TUBGCP3: variants seen among roughly 807,000 people sequenced by gnomAD.
The protein encoded by TUBGCP3 is tubulin gamma complex component 3.
Under a neutral mutation model 123.1 loss-of-function variants are expected in TUBGCP3, and 50 were observed. That is an observed-to-expected ratio of 0.41 (90% CI 0.32 to 0.51). The LOEUF is 0.51. Among genes scored for constraint, TUBGCP3 ranks in the 20% least tolerant of loss-of-function variants. The pLI is 0.36. For synonymous variants in TUBGCP3, 405 were observed against 413.9 expected (o/e 0.98, Z 0.26); for missense variants, 882 against 1,127.0 (o/e 0.78, Z 3.11).
Position 112,519,084 on chromosome 13 carries a change from T to C in TUBGCP3, c.1882-41A>G. ...AACACATAATTGCAAGACCTTAAGC[T>C]TCTTGCTGAAGAACTTGTTAACGCA... On this transcript the variant is annotated intron_variant, in intron 15 of 21. Coordinates refer to ENST00000261965, the MANE Select transcript of TUBGCP3 (RefSeq NM_006322.6). This position sits in a 1 kb window ranked among gnomAD's most constrained non-coding sequence, Gnocchi z 6.2. 7.9e-6 allele frequency: 12 copies of C among 1,513,986 alleles called. No individual in the cohort carries two copies. The highest frequency in any genetic ancestry group is 6.9e-5 in the African/African-American group (5 of 72,982). 93.8% of individuals were successfully genotyped at this position (1,513,986 alleles called of 1,614,324 possible).
At chr13:112,547,990 T>A in intron 9 of TUBGCP3, 118 bp downstream of exon 9, 1 of 905,988 alleles carries the variant, frequency 1.1e-6, no homozygotes, top group Non-Finnish European at 1.6e-6. Context: ...AATAATATTA[T>A]GAAAAATATT....
chr13:112,511,859 T>C lies in TUBGCP3; in HGVS notation c.2086+4581A>G, dbSNP rs1048771942. ...CTTCTACTTGAAAGCTTTCTAATTA[T>C]AAGGGACCTGCTGGTTCAGATGTGG... is the stretch of plus-strand genomic sequence containing the variant. On this transcript the variant is annotated intron_variant, in intron 17 of 21. Transcript: ENST00000261965. The surrounding 1 kb of genome is among the most constrained non-coding windows in gnomAD (Gnocchi z 4.1). 1.3e-5 allele frequency among the ~76,000 whole-genome samples: 2 copies of C among 152,080 alleles called. No individual in the cohort carries two copies. Among genetic ancestry groups the C allele is most frequent in the East Asian group, 3.9e-4 (2 of 5,186 alleles).
intron 20 of TUBGCP3, among the ~76,000 whole-genome samples, chr13:112,493,901 G>A (rs1408784620): frequency 6.6e-6 from 1 of 151,244 alleles, no homozygotes; most frequent in Non-Finnish European, 1.5e-5. Flanking sequence ...ATGGGGCCTG[G>A]TGTCCCTGAG....
intron 14 of TUBGCP3, among the ~76,000 whole-genome samples, chr13:112,521,440 G>A (rs138356000): frequency 6.6e-6 from 1 of 152,230 alleles, no homozygotes; most frequent in East Asian, 1.9e-4. Flanking sequence ...CCCCACAAAC[G>A]CAGCATCACC....
At chr13:112,536,415 C>T (rs1057047266) in intron 11 of TUBGCP3, among the ~76,000 whole-genome samples, 7 of 152,180 alleles carry the variant, frequency 4.6e-5, no homozygotes, top group African/African-American at 7.2e-5. Context: ...TCAAATCTTC[C>T]ATCCATAAGC....
intron 17 of TUBGCP3, among the ~76,000 whole-genome samples, chr13:112,513,699 T>G (rs187705084): frequency 7.9e-5 from 12 of 152,320 alleles, no homozygotes; most frequent in African/African-American, 2.6e-4. Flanking sequence ...CTCATGAAGC[T>G]GCTTGGCCAT....
intron 1 of TUBGCP3, among the ~76,000 whole-genome samples, chr13:112,587,593 G>A (rs973058549): frequency 6.6e-6 from 1 of 152,212 alleles, no homozygotes; most frequent in Non-Finnish European, 1.5e-5. Flanking sequence ...CGGAGTGAGC[G>A]GTGACTCAGC....
chr13:112,506,766 AC>A (rs1566539238), intron 17 of TUBGCP3, among the ~76,000 whole-genome samples: 1 of 152,196 alleles, frequency 6.6e-6, no homozygotes, highest in African/African-American at 2.4e-5. Context: ...AATACTCAAA[AC>A]CCCTCAAACT....
At chr13:112,507,367 G>A (rs1881374116) in intron 17 of TUBGCP3, among the ~76,000 whole-genome samples, 1 of 152,150 alleles carries the variant, frequency 6.6e-6, no homozygotes, top group Admixed American at 6.5e-5. Context: ...CAACTACCCA[G>A]GTTATACTTA....
chr13:112,524,100 A>C lies in TUBGCP3; in HGVS notation c.1556-1591T>G, dbSNP rs1335842238. ...GCAGGGGACCAATCCCACGACCCCC[A>C]CAGACACCAAAATTCCCTGATGCTC... is the stretch of plus-strand genomic sequence containing the variant. On this transcript the variant is annotated intron_variant, in intron 13 of 21. Coordinates refer to ENST00000261965, the MANE Select transcript of TUBGCP3 (RefSeq NM_006322.6). The surrounding 1 kb of genome is among the most constrained non-coding windows in gnomAD (Gnocchi z 4.4). 6.6e-6 allele frequency among the ~76,000 whole-genome samples: 1 copy of C among 152,142 alleles called. No homozygotes were observed. The highest frequency in any genetic ancestry group is 2.1e-4 in the South Asian group (1 of 4,816).
chr13:112,572,228 T>C (rs1881458189), intron 1 of TUBGCP3, among the ~76,000 whole-genome samples: 1 of 152,236 alleles, frequency 6.6e-6, no homozygotes, highest in African/African-American at 2.4e-5. Context: ...GAGAGGCATG[T>C]GACTCTTCAT....
At position 112,545,479 on chromosome 13, in the gene TUBGCP3, G is replaced by C. The variant is rs1188491003; in HGVS notation, c.1335+220C>G. 1 of 500,074 alleles carries C rather than the reference G, an allele frequency of 2.0e-6. No homozygotes were observed. Among genetic ancestry groups the C allele is most frequent in the Admixed American group, 3.2e-5 (1 of 31,142 alleles). The allele number at this position is 500,074 out of a possible 1,614,324, so 31.0% of individuals were successfully genotyped here. On this transcript the variant is annotated intron_variant, in intron 11 of 21. Transcript: ENST00000261965. This position sits in a 1 kb window ranked among gnomAD's most constrained non-coding sequence, Gnocchi z 4.1. ...ATTCCACCTTGCTGAGGAATAAACT[G>C]GGACAATTCTCCACTAACCAAAGAA...
intron 13 of TUBGCP3, among the ~76,000 whole-genome samples, chr13:112,526,198 C>T (rs1010679605): frequency 2.1e-4 from 32 of 151,308 alleles, no homozygotes; most frequent in Admixed American, 1.1e-3. Context: ...GCCACCACCA[C>T]GCCATCATCA....
At chr13:112,506,969 T>A (rs549338786) in intron 17 of TUBGCP3, among the ~76,000 whole-genome samples, 1 of 152,324 alleles carries the variant, frequency 6.6e-6, no homozygotes, top group Non-Finnish European at 1.5e-5. Context: ...GGAAAATCTA[T>A]AGCCAGTCTT....
At chr13:112,539,830 ACG>A (rs1218020812) in intron 11 of TUBGCP3, among the ~76,000 whole-genome samples, 3,935 of 149,810 alleles carry the variant, frequency 0.026, 203 homozygotes, top group African/African-American at 0.063. Flanking sequence ...GGGAATGAGG[ACG>A]TCAATGTAGT....
At chr13:112,547,902 C>A (rs1440916447) in intron 9 of TUBGCP3, 150 bp from the exon 10 acceptor site, 2 of 1,107,856 alleles carry the variant, frequency 1.8e-6, no homozygotes, top group Non-Finnish European at 2.4e-6. Context: ...TTTAAAGCTA[C>A]CTTTAACCGG....
chr13:112,557,553 T>C (rs79024495), intron 5 of TUBGCP3, among the ~76,000 whole-genome samples: 259 of 152,352 alleles, frequency 1.7e-3, no homozygotes, highest in Non-Finnish European at 3.1e-3. Flanking sequence ...AGCCACCCGT[T>C]TATCTACATA....
chr13:112,580,138 A>C (rs901681136), intron 1 of TUBGCP3, among the ~76,000 whole-genome samples: 1 of 152,232 alleles, frequency 6.6e-6, no homozygotes, highest in Non-Finnish European at 1.5e-5. Context: ...ACATACACAG[A>C]CACAGGATGG....
rs1489763615 is a variant in TUBGCP3, at chr13:112,524,921, G to A, written c.1555+2021C>T. On this transcript the variant is annotated intron_variant, in intron 13 of 21. Coordinates refer to ENST00000261965, the MANE Select transcript of TUBGCP3 (RefSeq NM_006322.6). The surrounding 1 kb of genome is among the most constrained non-coding windows in gnomAD (Gnocchi z 4.4). ...TGCCCGAAATGACATTCCTCTCTCA[G>A]TGCTATGCTCTCCCGAAATCCCCTG... Among the ~76,000 whole-genome samples the A allele has an allele frequency of 6.6e-6, 1 of 152,172 alleles. No individual in the cohort carries two copies. The highest frequency in any genetic ancestry group is 1.5e-5 in the Non-Finnish European group (1 of 68,042).
Sources: allele counts gnomAD v4.1 joint callset (sites outside exome capture counted in the v4.1 genomes callset), GRCh38; gene constraint gnomAD v4.1.1; non-coding constraint Gnocchi (gnomAD v3.1); transcripts MANE v1.5; gene names NCBI Gene and HGNC (gene_info 2026-07-23, HGNC 2026-07-21).